The following GRM7 variants were observed in gnomAD, a reference collection of about 807,000 sequenced individuals.
The protein encoded by GRM7 is metabotropic glutamate receptor 7.
Under a neutral mutation model 84.5 loss-of-function variants are expected in GRM7, and 35 were observed. The ratio of observed to expected loss-of-function variants is 0.41; its 90% CI spans 0.32 to 0.55. The LOEUF (loss-of-function observed/expected upper bound fraction) is 0.55, where lower values mean the gene tolerates loss of function less well. GRM7 is among the 20% of genes least tolerant of loss of function. The pLI, the probability that GRM7 is intolerant of heterozygous loss-of-function variation, is 0.19. For synonymous variants in GRM7, 487 were observed against 455.1 expected (o/e 1.07, Z -0.89); for missense variants, 1,003 against 1,194.6 (o/e 0.84, Z 2.36).
At chr3:7,426,229 C>T (rs1430746223) in intron 5 of GRM7, among the ~76,000 whole-genome samples, 1 of 152,056 alleles carries the variant, frequency 6.6e-6, no homozygotes, top group Non-Finnish European at 1.5e-5. Flanking sequence ...AAGTGATTCT[C>T]TTGCCTCAGC....
chr3:6,897,218 G>A (rs1421461616), intron 1 of GRM7, among the ~76,000 whole-genome samples: 1 of 152,186 alleles, frequency 6.6e-6, no homozygotes, highest in African/African-American at 2.4e-5. Flanking sequence ...TTTAGTTATT[G>A]TGTATGGGAA....
intron 1 of GRM7, among the ~76,000 whole-genome samples, chr3:7,128,835 C>T (rs530848707): frequency 6.6e-6 from 1 of 152,032 alleles, no homozygotes; most frequent in Admixed American, 6.5e-5. Flanking sequence ...CAAACTGGAG[C>T]AGGTTAAGGG....
chr3:7,523,974 A>C (rs2124994946), intron 7 of GRM7, among the ~76,000 whole-genome samples: 1 of 152,228 alleles, frequency 6.6e-6, no homozygotes, highest in South Asian at 2.1e-4. Flanking sequence ...AGCTCCAAAA[A>C]GCATCAAAAA....
At chr3:7,576,673 T>C (rs1227688691) in intron 7 of GRM7, among the ~76,000 whole-genome samples, 1 of 152,208 alleles carries the variant, frequency 6.6e-6, no homozygotes, top group Non-Finnish European at 1.5e-5. Flanking sequence ...CTTTCTAATC[T>C]ATTGGTTAGT....
chr3:7,259,252 A>T (rs1164758335), intron 2 of GRM7, among the ~76,000 whole-genome samples: 1 of 152,226 alleles, frequency 6.6e-6, no homozygotes, highest in East Asian at 1.9e-4. Context: ...AGTGATGGTG[A>T]TCAAATGAGC....
At chr3:7,672,858 G>A (rs898410399) in intron 8 of GRM7, among the ~76,000 whole-genome samples, 3 of 152,092 alleles carry the variant, frequency 2.0e-5, no homozygotes, top group Non-Finnish European at 4.4e-5. Flanking sequence ...GCCTCCCAAA[G>A]TGCTGGGATT....
intron 1 of GRM7, among the ~76,000 whole-genome samples, chr3:6,944,306 G>A (rs890894654): frequency 9.2e-5 from 14 of 152,090 alleles, no homozygotes; most frequent in African/African-American, 2.9e-4. Flanking sequence ...GTTGTTAACC[G>A]TAGATTTTTT....
At chr3:7,380,123 T>C (rs1694526185) in intron 4 of GRM7, among the ~76,000 whole-genome samples, 1 of 152,100 alleles carries the variant, frequency 6.6e-6, no homozygotes, top group Admixed American at 6.6e-5. Context: ...GGGAGGTCCA[T>C]ATTTAGTTGC....
At chr3:7,433,834 C>A (rs1160330767) in intron 5 of GRM7, among the ~76,000 whole-genome samples, 1 of 152,118 alleles carries the variant, frequency 6.6e-6, no homozygotes, top group Non-Finnish European at 1.5e-5. Flanking sequence ...ATGCTCTCAT[C>A]CTGTCTCATC....
At chr3:6,890,989 G>A (rs1006506678) in intron 1 of GRM7, among the ~76,000 whole-genome samples, 1 of 152,088 alleles carries the variant, frequency 6.6e-6, no homozygotes, top group East Asian at 1.9e-4. Flanking sequence ...TTATGTAATG[G>A]CCTTCTTTGT....
At chr3:7,335,425 G>C (rs1701380037) in intron 4 of GRM7, among the ~76,000 whole-genome samples, 1 of 152,110 alleles carries the variant, frequency 6.6e-6, no homozygotes, top group Non-Finnish European at 1.5e-5. Flanking sequence ...TAATAAGAAA[G>C]TTTATAGCAT....
intron 1 of GRM7, among the ~76,000 whole-genome samples, chr3:7,054,328 C>T (rs1697132316): frequency 1.3e-5 from 2 of 148,178 alleles, no homozygotes; most frequent in African/African-American, 4.9e-5. Context: ...ATATATATGA[C>T]ATCTAATATA....
At chr3:6,961,038 C>G (rs1009220546) in intron 1 of GRM7, among the ~76,000 whole-genome samples, 16 of 152,168 alleles carry the variant, frequency 1.1e-4, no homozygotes, top group African/African-American at 3.9e-4. Flanking sequence ...CTGGTGATTT[C>G]AAAATTTACA....
intron 2 of GRM7, among the ~76,000 whole-genome samples, chr3:7,271,562 TAAA>T (rs71063298): frequency 2.5e-4 from 22 of 88,770 alleles, no homozygotes; most frequent in East Asian, 3.7e-4. Context: ...CCGCCTCAAA[TAAA>T]AAAAAAAAAA....
chr3:7,290,039 GAA>G (rs1384610066), intron 2 of GRM7, among the ~76,000 whole-genome samples: 1 of 151,502 alleles, frequency 6.6e-6, no homozygotes, highest in East Asian at 1.9e-4. Context: ...AATAAAAAAA[GAA>G]AAGTTATCTT....
chr3:7,184,997 T>TAAAAAA (rs1189372377), intron 2 of GRM7, among the ~76,000 whole-genome samples: 1 of 152,224 alleles, frequency 6.6e-6, no homozygotes, highest in Non-Finnish European at 1.5e-5. Flanking sequence ...ACACATTATG[T>TAAAAAA]AACTATCTTA....
intron 6 of GRM7, among the ~76,000 whole-genome samples, chr3:7,457,596 G>GC (rs1458879820): frequency 6.6e-6 from 1 of 152,162 alleles, no homozygotes; most frequent in Non-Finnish European, 1.5e-5. Flanking sequence ...GATCTCACAT[G>GC]CTTTTTTTGC....
intron 4 of GRM7, among the ~76,000 whole-genome samples, chr3:7,330,158 A>G (rs1448828501): frequency 6.6e-6 from 1 of 152,180 alleles, no homozygotes. Context: ...GTAAAAGCAC[A>G]CTTCAGTCAG....
intron 8 of GRM7, among the ~76,000 whole-genome samples, chr3:7,613,790 T>C (rs1389931629): frequency 6.6e-6 from 1 of 152,166 alleles, no homozygotes; most frequent in Non-Finnish European, 1.5e-5. Context: ...CCTCACATTT[T>C]AATATTTTGA....
Sources: allele counts gnomAD v4.1 joint callset (sites outside exome capture counted in the v4.1 genomes callset), GRCh38; gene constraint gnomAD v4.1.1; transcripts MANE v1.5; gene names NCBI Gene and HGNC (gene_info 2026-07-23, HGNC 2026-07-21).